ZSCAN25: variants seen among roughly 807,000 people sequenced by gnomAD.
The protein encoded by ZSCAN25 is zinc finger and SCAN domain-containing protein 25.
A neutral mutation model predicts 38.7 loss-of-function variants in ZSCAN25; 27 were observed. The ratio of observed to expected loss-of-function variants is 0.70; its 90% CI spans 0.51 to 0.96. The LOEUF is 0.96. ZSCAN25 is among the 40% of genes least tolerant of loss of function. The probability of loss-of-function intolerance (pLI) is 0.00; values close to 1 mark genes in which losing one functional copy is unlikely to be tolerated. For synonymous variants in ZSCAN25, 273 were observed against 277.7 expected (o/e 0.98, Z 0.17); for missense variants, 637 against 705.9 (o/e 0.90, Z 1.11).
At chr7:99,696,812 G>A in the ZSCAN25 span, among the ~76,000 whole-genome samples, 2 of 152,282 alleles carry the variant, frequency 1.3e-5, no homozygotes, top group African/African-American at 4.8e-5. Flanking sequence ...TATCTTAGGG[G>A]CAGTTTCTCC....
At chr7:99,635,153 GT>G (rs79324427), downstream of ZSCAN25, among the ~76,000 whole-genome samples, 949 of 140,518 alleles carry the variant, frequency 6.8e-3, 7 homozygotes, top group African/African-American at 0.021. Flanking sequence ...GTCCTGGTTG[GT>G]TTTTTTTTTT....
the ZSCAN25 span, among the ~76,000 whole-genome samples, chr7:99,708,848 A>G: frequency 1.5e-4 from 23 of 152,266 alleles, no homozygotes; most frequent in African/African-American, 5.1e-4. Flanking sequence ...GTGACTGGCT[A>G]TAGTTTTCTT....
chr7:99,695,304 G>A, the ZSCAN25 span, among the ~76,000 whole-genome samples: 2 of 152,178 alleles, frequency 1.3e-5, no homozygotes, highest in Admixed American at 6.5e-5. Context: ...TGTCCAGGAG[G>A]TAGGGGAAAA....
chr7:99,712,649 A>T, the ZSCAN25 span, among the ~76,000 whole-genome samples: 1 of 152,176 alleles, frequency 6.6e-6, no homozygotes, highest in African/African-American at 2.4e-5. Context: ...TGATGGACAG[A>T]TGATAGATAG....
At chr7:99,673,067 G>C in the ZSCAN25 span, 5 of 222,102 alleles carry the variant, frequency 2.3e-5, no homozygotes, top group Non-Finnish European at 3.1e-5. Flanking sequence ...AAGAATATTA[G>C]GTCAGTGAAA....
chr7:99,684,852 G>A, the ZSCAN25 span: 3 of 218,832 alleles, frequency 1.4e-5, no homozygotes, highest in Admixed American at 5.2e-5. Flanking sequence ...GAGCTCAGGA[G>A]GAGTTAATGG....
At chr7:99,635,346 A>G (rs1808230315), downstream of ZSCAN25, among the ~76,000 whole-genome samples, 2 of 152,136 alleles carry the variant, frequency 1.3e-5, no homozygotes, top group South Asian at 4.1e-4. Context: ...AATTCACATA[A>G]ATACAGAAAC....
rs971608242 is a variant in ZSCAN25, at chr7:99,627,199, A to G, written c.806-1992A>G. ...ATCTTTCATTTGTAAATACTTCAGCATTTGTCTAACAATGACATTCCCAAC... is the reference window on the plus strand; with the variant it reads ...ATCTTTCATTTGTAAATACTTCAGCGTTTGTCTAACAATGACATTCCCAAC... On this transcript the variant is annotated intron_variant, in intron 7 of 7. Coordinates refer to ENST00000394152, the MANE Select transcript of ZSCAN25 (RefSeq NM_145115.3). Among the ~76,000 whole-genome samples the G allele has an allele frequency of 9.8e-5, 15 of 152,348 alleles. No homozygotes were observed. In the South Asian group the frequency reaches 3.1e-3, roughly 32 times the overall value.
At chr7:99,647,579 A>G in the ZSCAN25 span, 1 of 985,146 alleles carries the variant, frequency 1.0e-6, no homozygotes, top group Non-Finnish European at 1.2e-6. Flanking sequence ...AAAAATAATA[A>G]ATCATAACTA....
chr7:99,631,699 A>G lies in ZSCAN25; in HGVS notation c.*1679A>G. 1.0e-6 allele frequency: 1 copy of G among 985,280 alleles called. No homozygotes were observed. The highest frequency in any genetic ancestry group is 1.2e-6 in the Non-Finnish European group (1 of 829,918). The allele number at this position is 985,280 out of a possible 1,614,324, so 61.0% of individuals were successfully genotyped here. On this transcript the variant is annotated 3_prime_UTR_variant, in exon 8 of 8. Coordinates refer to ENST00000394152, the MANE Select transcript of ZSCAN25 (RefSeq NM_145115.3). ...GCTGTATTACTCAGCCCACTTTGAAACGTGGTTTTATCACCTGTTCTTGTT... is the reference window on the plus strand; with the variant it reads ...GCTGTATTACTCAGCCCACTTTGAAGCGTGGTTTTATCACCTGTTCTTGTT...
At chr7:99,699,428 C>T in the ZSCAN25 span, among the ~76,000 whole-genome samples, 1 of 151,970 alleles carries the variant, frequency 6.6e-6, no homozygotes, top group Non-Finnish European at 1.5e-5. Flanking sequence ...CTTGGTGTTC[C>T]CCGGTGTGTT....
At chr7:99,683,897 A>G in the ZSCAN25 span, among the ~76,000 whole-genome samples, 2 of 152,264 alleles carry the variant, frequency 1.3e-5, no homozygotes, top group African/African-American at 4.8e-5. Flanking sequence ...GTTACTCAGG[A>G]AGGGAAAGTA....
downstream of ZSCAN25, among the ~76,000 whole-genome samples, chr7:99,635,097 C>T (rs1446219045): frequency 6.6e-6 from 1 of 151,778 alleles, no homozygotes; most frequent in Non-Finnish European, 1.5e-5. Context: ...TTTCTCAACC[C>T]CTGCACTGTT....
chr7:99,723,866 G>A, the ZSCAN25 span, among the ~76,000 whole-genome samples: 1 of 152,188 alleles, frequency 6.6e-6, no homozygotes, highest in African/African-American at 2.4e-5. Flanking sequence ...TGCCAGTCAT[G>A]GACTCGGGAA....
At chr7:99,673,840 C>T in the ZSCAN25 span, among the ~76,000 whole-genome samples, 8 of 152,262 alleles carry the variant, frequency 5.3e-5, no homozygotes, top group African/African-American at 1.7e-4. Flanking sequence ...GGACAGAAGG[C>T]GATGCTGGGA....
intron 4 of ZSCAN25, chr7:99,620,208 T>A: frequency 1.5e-6 from 1 of 661,276 alleles, no homozygotes; most frequent in Admixed American, 3.1e-5. Context: ...GCCTGAAGCC[T>A]CTGTTTGGTC....
At chr7:99,648,376 C>A in the ZSCAN25 span, 2 of 1,611,640 alleles carry the variant, frequency 1.2e-6, no homozygotes, top group South Asian at 1.1e-5. Context: ...TGAAGAAGTC[C>A]TTGCGTGTCT....
At chr7:99,656,854 C>G in the ZSCAN25 span, among the ~76,000 whole-genome samples, 3 of 152,148 alleles carry the variant, frequency 2.0e-5, no homozygotes, top group African/African-American at 4.8e-5. Flanking sequence ...TCTAGATTTT[C>G]TAGTTTATTT....
the ZSCAN25 span, among the ~76,000 whole-genome samples, chr7:99,728,369 T>C: frequency 1.3e-5 from 2 of 152,236 alleles, no homozygotes; most frequent in Admixed American, 1.3e-4. Flanking sequence ...TGTTTACTTA[T>C]ACCGAACCCC....
Sources: allele counts gnomAD v4.1 joint callset (sites outside exome capture counted in the v4.1 genomes callset), GRCh38; gene constraint gnomAD v4.1.1; transcripts MANE v1.5; gene names NCBI Gene and HGNC (gene_info 2026-07-23, HGNC 2026-07-21).